SLC6A2: variants seen among roughly 807,000 people sequenced by gnomAD.
SLC6A2 encodes sodium-dependent noradrenaline transporter.
Under a neutral mutation model 71.7 loss-of-function variants are expected in SLC6A2, and 26 were observed. The ratio of observed to expected loss-of-function variants is 0.36; its 90% confidence interval spans 0.27 to 0.50. SLC6A2 has a LOEUF of 0.50. Among genes scored for constraint, SLC6A2 ranks in the 20% least tolerant of loss-of-function variants. The pLI is 0.96. For synonymous variants in SLC6A2, 363 were observed against 337.9 expected, an observed-to-expected ratio of 1.07 and a Z score of -0.82; for missense variants, 581 against 803.9, an observed-to-expected ratio of 0.72 and a Z score of 3.35.
At chr16:55,661,945 A>G (rs1964621445) in intron 2 of SLC6A2, among the ~76,000 whole-genome samples, 1 of 152,192 alleles carries the variant, frequency 6.6e-6, no homozygotes, top group East Asian at 1.9e-4. Flanking sequence ...GGAGTCTGCA[A>G]ACTCAGTGCT....
rs1966032541 is a variant in SLC6A2 at position 55,703,395 on chromosome 16, G to A, written c.*1049G>A. On this transcript the variant is annotated 3_prime_UTR_variant, in exon 15 of 15. Transcript: ENST00000568943. Reference sequence around the variant, plus strand: ...CCACCTGGAGTGGACCAGGGGTCTTGAGAAATGGAGAGTTGGCTGCAAAAA... The same window carrying A: ...CCACCTGGAGTGGACCAGGGGTCTTAAGAAATGGAGAGTTGGCTGCAAAAA... 2.1e-5 allele frequency: 21 copies of A among 985,422 alleles called. No individual in the cohort carries two copies. Among genetic ancestry groups the A allele is most frequent in the Non-Finnish European group, 2.4e-5 (20 of 829,938 alleles). The allele number at this position is 985,422 out of a possible 1,614,324, so 61.0% of individuals were successfully genotyped here. A position where few individuals can be genotyped will look rare whatever the true frequency, so the allele number is the denominator to read the frequency against.
At chr16:55,668,048 A>G (rs369832693) in intron 2 of SLC6A2, among the ~76,000 whole-genome samples, 56 of 152,186 alleles carry the variant, frequency 3.7e-4, no homozygotes, top group East Asian at 2.7e-3. Context: ...GATACACAGG[A>G]GATGTTCATT....
chr16:55,695,235 G>A, intron 7 of SLC6A2, 43 bp from the exon 8 acceptor site: 1 of 1,613,104 alleles, frequency 6.2e-7, no homozygotes, highest in Non-Finnish European at 8.5e-7. Context: ...ACACAGGGTT[G>A]AGGGTGTCAA....
At chr16:55,669,174 G>T (rs1270671312) in intron 2 of SLC6A2, among the ~76,000 whole-genome samples, 1 of 152,148 alleles carries the variant, frequency 6.6e-6, no homozygotes, top group African/African-American at 2.4e-5. Flanking sequence ...GTTTGGGTTA[G>T]ATTGGCATTC....
Position 55,702,618 on chromosome 16 carries a change from CT to C in SLC6A2, c.*275del, listed in dbSNP as rs1318864815. 7.2e-7 allele frequency: 1 copy of C among 1,383,014 alleles called. No individual in the cohort carries two copies. The highest frequency in any genetic ancestry group is 3.0e-5 in the Admixed American group (1 of 33,650). 85.7% of individuals were successfully genotyped at this position (1,383,014 alleles called of 1,614,324 possible). A position where few individuals can be genotyped will look rare whatever the true frequency, so the allele number is the denominator to read the frequency against. On this transcript the variant is annotated 3_prime_UTR_variant, in exon 15 of 15. Coordinates refer to ENST00000568943, the MANE Select transcript of SLC6A2 (RefSeq NM_001172501.3). ...GCTGTTTTGGGGGAAGTCTCTCCCA[CT>C]TTGGGATCCTGCTGAAGCTAGGTTC...
At chr16:55,691,779 A>T (rs1965637104) in intron 5 of SLC6A2, 139 bp from the exon 6 acceptor site, 1 of 981,446 alleles carries the variant, frequency 1.0e-6, no homozygotes, top group African/African-American at 1.6e-5. Flanking sequence ...CTAGAGCTGG[A>T]ACTTGTAGCA....
At chr16:55,674,194 C>A (rs1965011079) in intron 4 of SLC6A2, among the ~76,000 whole-genome samples, 1 of 152,042 alleles carries the variant, frequency 6.6e-6, no homozygotes. Flanking sequence ...TCCCTCACTC[C>A]TCACTCTTGT....
chr16:55,694,644 TCA>T (rs1438517138), intron 7 of SLC6A2, among the ~76,000 whole-genome samples: 1 of 152,188 alleles, frequency 6.6e-6, no homozygotes, highest in East Asian at 1.9e-4. Flanking sequence ...TAAGGCAGAA[TCA>T]CAGTGTCTTT....
chr16:55,701,626 C>T (rs36007), intron 13 of SLC6A2, among the ~76,000 whole-genome samples: 11,882 of 152,272 alleles, frequency 0.078, 491 homozygotes, highest in East Asian at 0.18. Context: ...TCTGGATCCA[C>T]AGGGCCTAGC....
intron 12 of SLC6A2, among the ~76,000 whole-genome samples, chr16:55,699,863 C>CG (rs1965915900): frequency 6.6e-6 from 1 of 152,048 alleles, no homozygotes; most frequent in African/African-American, 2.4e-5. Flanking sequence ...GCCAGGTCCC[C>CG]GGGGGCTGTT....
At chr16:55,689,137 G>A (rs1170529167) in intron 5 of SLC6A2, among the ~76,000 whole-genome samples, 7 of 152,194 alleles carry the variant, frequency 4.6e-5, no homozygotes, top group African/African-American at 1.7e-4. Context: ...GAAGCCTGGG[G>A]TGGAGATGAC....
In SLC6A2 at chr16:55,694,249, A is replaced by T. The variant is rs543221889; in HGVS notation, c.1022+136A>T. Reference sequence around the variant, plus strand: ...TTTCTTCTTGTGAACCATCCTGGGCATTCTATAAACTGCGACATGGCCTCT... The same window carrying T: ...TTTCTTCTTGTGAACCATCCTGGGCTTTCTATAAACTGCGACATGGCCTCT... On this transcript the variant is annotated intron_variant, in intron 7 of 14. Coordinates refer to ENST00000568943, the MANE Select transcript of SLC6A2 (RefSeq NM_001172501.3). 3 of 715,906 alleles carry T rather than the reference A, an allele frequency of 4.2e-6. No individual in the cohort carries two copies. In the African/African-American group the frequency reaches 5.3e-5, roughly 13 times the overall value. The allele number at this position is 715,906 out of a possible 1,614,324, so 44.3% of individuals were successfully genotyped here.
chr16:55,687,089 A>G (rs1965475064), intron 5 of SLC6A2, among the ~76,000 whole-genome samples: 2 of 27,594 alleles, frequency 7.2e-5, no homozygotes, highest in African/African-American at 3.4e-4. Flanking sequence ...AACCAATGTC[A>G]CTAGCTTCTT....
At position 55,700,194 on chromosome 16, in the gene SLC6A2, T is replaced by A. The variant is rs3743788; in HGVS notation, c.1646T>A (p.Ile549Asn). ...AAGCCACTCACCTACGACGACTACA[T>A]CTTCCCGCCCTGGGCCAACTGGGTG... ...NFKPLTYDDY[I>N]FPPWANWVGW... Residue 549 changes from isoleucine to asparagine, a missense_variant, in exon 13 of 15, where the codon ATC (isoleucine) becomes AAC (asparagine). By Grantham distance (149) the Ile-to-Asn change is moderately radical (BLOSUM62 -3). This residue lies in a region of SLC6A2 where 334 missense variants were observed against 449.0 expected (regional missense o/e 0.74). Transcript: ENST00000568943. 6.2e-7 allele frequency: 1 copy of A among 1,614,110 alleles called. No individual in the cohort carries two copies. Among genetic ancestry groups the A allele is most frequent in the Non-Finnish European group, 8.5e-7 (1 of 1,179,998 alleles).
chr16:55,663,183 G>A (rs1445886406), intron 2 of SLC6A2, among the ~76,000 whole-genome samples: 1 of 152,176 alleles, frequency 6.6e-6, no homozygotes, highest in Non-Finnish European at 1.5e-5. Context: ...TACATTTTCT[G>A]CTATGGTTTA....
intron 4 of SLC6A2, among the ~76,000 whole-genome samples, chr16:55,673,644 T>G (rs1964993625): frequency 6.6e-6 from 1 of 152,176 alleles, no homozygotes; most frequent in Non-Finnish European, 1.5e-5. Flanking sequence ...TCACTGCAAC[T>G]TCCACTTCCC....
At chr16:55,681,919 G>GTTTT (rs1965284706) in intron 4 of SLC6A2, among the ~76,000 whole-genome samples, 1 of 152,128 alleles carries the variant, frequency 6.6e-6, no homozygotes, top group Non-Finnish European at 1.5e-5. Context: ...GTTTTGTTTT[G>GTTTT]TTTTTGAGAT....
At position 55,656,746 on chromosome 16, in the gene SLC6A2, G is replaced by A. The variant is rs886052131; in HGVS notation, c.52G>A (p.Asp18Asn). Residue 18 changes from aspartate to asparagine, a missense_variant, in exon 2 of 15, where the codon GAC (aspartate) becomes AAC (asparagine). Coordinates refer to ENST00000568943, the MANE Select transcript of SLC6A2 (RefSeq NM_001172501.3). The surrounding 1 kb of genome is among the most constrained non-coding windows in gnomAD (Gnocchi z 4.5). Reference sequence around the variant, plus strand: ...GGTGCAGCCCGAGAACAACGGGGCGGACACGGGTCCAGAGCAGCCCCTTCG... The same window carrying A: ...GGTGCAGCCCGAGAACAACGGGGCGAACACGGGTCCAGAGCAGCCCCTTCG... ...PQVQPENNGADTGPEQPLRAR... is the reference protein window; with the variant it reads ...PQVQPENNGANTGPEQPLRAR... 1 of 1,613,096 alleles carries A rather than the reference G, an allele frequency of 6.2e-7. No individual in the cohort carries two copies. Among genetic ancestry groups the A allele is most frequent in the Non-Finnish European group, 8.5e-7 (1 of 1,179,914 alleles).
At chr16:55,699,133 T>G (rs564754274) in intron 11 of SLC6A2, among the ~76,000 whole-genome samples, 1 of 152,354 alleles carries the variant, frequency 6.6e-6, no homozygotes, top group East Asian at 1.9e-4. Flanking sequence ...CTCACTCTGC[T>G]GCCACTCAGA....
Sources: allele counts gnomAD v4.1 joint callset (sites outside exome capture counted in the v4.1 genomes callset), GRCh38; gene constraint gnomAD v4.1.1; regional missense constraint gnomAD v4.1.1; non-coding constraint Gnocchi (gnomAD v3.1); transcripts MANE v1.5; gene names NCBI Gene and HGNC (gene_info 2026-07-23, HGNC 2026-07-21).